The following KDM6A variants were observed in gnomAD, a reference collection of about 807,000 sequenced individuals.
KDM6A encodes the protein lysine demethylase 6A, also known as lysine-specific demethylase 6A.
In KDM6A, 11 loss-of-function variants were observed where a neutral mutation model predicts 117.6. That is an observed-to-expected ratio of 0.09 (90% confidence interval 0.06 to 0.15). The LOEUF (loss-of-function observed/expected upper bound fraction) is 0.15, where lower values mean the gene tolerates loss of function less well. Among genes scored for constraint, KDM6A ranks in the 10% least tolerant of loss-of-function variants. The probability of loss-of-function intolerance (pLI) is 1.00; values close to 1 mark genes in which losing one functional copy is unlikely to be tolerated. For missense variants in KDM6A, 799 were observed against 1,077.3 expected (o/e 0.74, Z 3.62); for synonymous variants, 384 against 396.1 (o/e 0.97, Z 0.36).
In KDM6A at chrX:45,063,775, C is replaced by T. The variant is rs1046565263; in HGVS notation, c.2037C>T (p.Ser679=). 17 of 1,203,437 alleles carry T rather than the reference C, an allele frequency of 1.4e-5. No homozygotes were observed. Among genetic ancestry groups the T allele is most frequent in the African/African-American group, 3.5e-5 (2 of 57,003 alleles). Reference sequence around the variant, plus strand: ...ATAACCGCACAAACCTGACCAGCAGCGCAGAGGAGCCGTGGAAAAACCAAC... The same window carrying T: ...ATAACCGCACAAACCTGACCAGCAGTGCAGAGGAGCCGTGGAAAAACCAAC... The part of the protein sequence containing the change: ...LPHNRTNLTS[S]AEEPWKNQLS... Residue 679 remains serine (S), a synonymous_variant, in exon 17 of 30, where the codon AGC becomes AGT. Coordinates refer to ENST00000611820, the MANE Select transcript of KDM6A (RefSeq NM_001291415.2).
At chrX:45,040,896 C>T (rs1255699315) in intron 8 of KDM6A, among the ~76,000 whole-genome samples, 2 of 75,142 alleles carry the variant, frequency 2.7e-5, no homozygotes, top group African/African-American at 5.3e-5. Flanking sequence ...CCCTCCCGGA[C>T]GGGGCGGCTG....
Position 45,062,663 on chromosome X carries a change from G to A in KDM6A, c.1598G>A (p.Arg533His), listed in dbSNP as rs778421870. ...PQKLQHLEQL[R>H]ANRNNLNPAQ... ...TTCTTCTAGCATTTGGAACAGCTCC[G>A]CGCAAATAGAAATAATTTAAATCCA... Residue 533 changes from arginine to histidine, a missense_variant, in exon 16 of 30, where the codon CGC becomes CAC. Coordinates refer to ENST00000611820, the MANE Select transcript of KDM6A (RefSeq NM_001291415.2). The A allele has an allele frequency of 1.7e-5, 20 of 1,201,887 alleles. No individual in the cohort carries two copies. The highest frequency in any genetic ancestry group is 3.5e-5 in the South Asian group (2 of 56,580).
intron 2 of KDM6A, among the ~76,000 whole-genome samples, chrX:44,902,123 G>C (rs992306561): frequency 9.0e-6 from 1 of 110,827 alleles, no homozygotes; most frequent in African/African-American, 3.3e-5. Context: ...GCTACTACTT[G>C]GGAGGCTGAG....
In KDM6A at chrX:45,051,717, T is replaced by C. The variant is rs755807604; in HGVS notation, c.663T>C (p.Tyr221=). The C allele has an allele frequency of 4.3e-6, 5 of 1,154,148 alleles. No individual in the cohort carries two copies. The highest frequency in any genetic ancestry group is 5.9e-6 in the Non-Finnish European group (5 of 848,011). ...CTTTTTCTGTTCTTTAGAGGAAATA[T>C]CATTCTGCAAAAGAAGCTTATGAAC... ...IAHLYETQRK[Y]HSAKEAYEQL... Residue 221 remains tyrosine, a synonymous_variant, in exon 9 of 30, where the codon TAT becomes TAC. Transcript: ENST00000611820.
At chrX:44,940,683 A>G (rs1382066993) in intron 2 of KDM6A, among the ~76,000 whole-genome samples, 1 of 112,048 alleles carries the variant, frequency 8.9e-6, no homozygotes, top group Non-Finnish European at 1.9e-5. Context: ...CAGTTCACTT[A>G]ATTAATCATT....
At chrX:44,950,228 C>T (rs939015200) in intron 2 of KDM6A, among the ~76,000 whole-genome samples, 1 of 110,569 alleles carries the variant, frequency 9.0e-6, no homozygotes. Context: ...ATTGGCCAGC[C>T]TGGTCTCGAA....
intron 2 of KDM6A, among the ~76,000 whole-genome samples, chrX:44,898,659 A>G (rs2034080839): frequency 1.8e-5 from 2 of 111,525 alleles, no homozygotes; most frequent in Non-Finnish European, 1.9e-5. Context: ...ACACTATCTT[A>G]AATGGGTGAG....
At chrX:44,944,089 C>G (rs748862169) in intron 2 of KDM6A, among the ~76,000 whole-genome samples, 1 of 111,614 alleles carries the variant, frequency 9.0e-6, no homozygotes, top group East Asian at 2.8e-4. Flanking sequence ...TGGTGGCTCA[C>G]ACCTGTAATC....
chrX:44,954,711 C>G (rs1274484254), intron 2 of KDM6A, among the ~76,000 whole-genome samples: 3 of 110,688 alleles, frequency 2.7e-5, no homozygotes, highest in African/African-American at 6.6e-5. Flanking sequence ...GAGCCAAGTA[C>G]TCACTGTTAT....
At chrX:44,950,780 A>G (rs1459979689) in intron 2 of KDM6A, among the ~76,000 whole-genome samples, 3 of 110,896 alleles carry the variant, frequency 2.7e-5, no homozygotes, top group Non-Finnish European at 5.7e-5. Flanking sequence ...TTTCTCTTCA[A>G]ATAATCTGAT....
intron 2 of KDM6A, among the ~76,000 whole-genome samples, chrX:44,875,780 A>G (rs2031466862): frequency 9.0e-6 from 1 of 111,536 alleles, no homozygotes; most frequent in Admixed American, 9.6e-5. Context: ...GCTTTTGGTT[A>G]TGGTGATGAA....
chrX:44,919,160 T>TA lies in KDM6A; in HGVS notation c.226-42123dup, dbSNP rs758185868. ...CAGTATCTTAGTATGATCTATTTGT[T>TA]ACTATTAATGAACCAATATTGATAC... On this transcript the variant is annotated intron_variant, in intron 2 of 29. Coordinates refer to ENST00000611820, the MANE Select transcript of KDM6A (RefSeq NM_001291415.2). Among the ~76,000 whole-genome samples, 144 of 111,948 alleles carry TA rather than the reference T, an allele frequency of 1.3e-3. 1 individual carries two copies. The highest frequency in any genetic ancestry group is 4.6e-3 in the Middle Eastern group (1 of 217).
chrX:45,086,054 G>C, intron 25 of KDM6A, 75 bp downstream of exon 25: 1 of 588,792 alleles, frequency 1.7e-6, no homozygotes, highest in African/African-American at 2.2e-5. Flanking sequence ...TACCAAGCTG[G>C]ATCTCCTAAT....
intron 10 of KDM6A, 145 bp from the exon 11 acceptor site, chrX:45,058,861 A>G (rs772125606): frequency 5.0e-5 from 25 of 504,680 alleles, no homozygotes; most frequent in Non-Finnish European, 8.0e-5. Flanking sequence ...TAACAAGTAT[A>G]TACATACATA....
intron 2 of KDM6A, among the ~76,000 whole-genome samples, chrX:44,903,607 C>T (rs113914825): frequency 0.049 from 5,380 of 110,808 alleles, 334 homozygotes; most frequent in African/African-American, 0.17. Flanking sequence ...TTCTGAGACT[C>T]TGTTAATTTT....
intron 27 of KDM6A, among the ~76,000 whole-genome samples, chrX:45,093,520 C>T (rs551560721): frequency 9.0e-6 from 1 of 110,613 alleles, no homozygotes; most frequent in Admixed American, 9.6e-5. Flanking sequence ...ACAGAGATTT[C>T]CCTGTAAAAA....
chrX:44,891,015 A>G (rs375889665), intron 2 of KDM6A, among the ~76,000 whole-genome samples: 1 of 109,606 alleles, frequency 9.1e-6, no homozygotes, highest in Non-Finnish European at 1.9e-5. Context: ...TGTCTTTTGC[A>G]CATTTTCTAG....
At chrX:45,089,453 G>GAGGCGGAGGTTGCA (rs1460767654) in intron 25 of KDM6A, among the ~76,000 whole-genome samples, 1 of 108,216 alleles carries the variant, frequency 9.2e-6, no homozygotes, top group Non-Finnish European at 1.9e-5. Flanking sequence ...TTGAGCCCAG[G>GAGGCGGAGGTTGCA]AGGCGGAGGT....
At chrX:45,057,096 T>TA (rs2044104850) in intron 10 of KDM6A, among the ~76,000 whole-genome samples, 1 of 111,701 alleles carries the variant, frequency 9.0e-6, no homozygotes, top group African/African-American at 3.2e-5. Context: ...CTTAGGCTTT[T>TA]ACTTCTCCCT....
Sources: allele counts gnomAD v4.1 joint callset (sites outside exome capture counted in the v4.1 genomes callset), GRCh38; gene constraint gnomAD v4.1.1; transcripts MANE v1.5; gene names NCBI Gene and HGNC (gene_info 2026-07-23, HGNC 2026-07-21).